Variants in STS observed in about 807,000 individuals in gnomAD.
The protein encoded by STS is steroid sulfatase, also known as steryl-sulfatase.
A neutral mutation model predicts 26.8 loss-of-function variants in STS; 7 were observed. The ratio of observed to expected loss-of-function variants is 0.26; its 90% CI spans 0.15 to 0.49. The LOEUF (loss-of-function observed/expected upper bound fraction) is 0.49. Ranked by LOEUF, STS falls within the 20% of genes least tolerant of loss-of-function variation. The pLI, the probability that STS is intolerant of heterozygous loss-of-function variation, is 0.98. For missense variants in STS, 434 were observed against 465.6 expected, an observed-to-expected ratio of 0.93 and a Z score of 0.63; for synonymous variants, 199 against 189.4, an observed-to-expected ratio of 1.05 and a Z score of -0.42.
rs967251931 is a variant in STS at position 7,351,696 on chromosome X, C to G, written c.*1435C>G. 1 of 111,248 alleles carries G rather than the reference C, an allele frequency of 9.0e-6. No homozygotes were observed. The highest frequency in any genetic ancestry group is 3.3e-5 in the African/African-American group (1 of 30,533). 9.2% of individuals were successfully genotyped at this position (111,248 alleles called of 1,213,427 possible). A position where few individuals can be genotyped will look rare whatever the true frequency, so the allele number is the denominator to read the frequency against. ...ACCTTCTATTTGCCCAGAGTTTGCT[C>G]AATTCCAAGACAGTGCCCATGAATG... On this transcript the variant is annotated 3_prime_UTR_variant, in exon 11 of 11. Transcript: ENST00000674429.
rs1424075499 is a variant in STS at position 7,345,242 on chromosome X, G to A, written c.1364-4646G>A. 1.6e-4 allele frequency among the ~76,000 whole-genome samples: 18 copies of A among 111,693 alleles called. No homozygotes were observed. In the Admixed American group the frequency reaches 1.7e-3, roughly 11 times the overall value. ...TTTTTATTTCTGTAACCGGTTACAG[G>A]GAGAAGGCCTGGAAAATATTGCCCA... On this transcript the variant is annotated intron_variant, in intron 10 of 10. Coordinates refer to ENST00000674429, the MANE Select transcript of STS (RefSeq NM_001320752.2).
chrX:7,306,183 G>A (rs780366325), intron 8 of STS, among the ~76,000 whole-genome samples: 4 of 110,961 alleles, frequency 3.6e-5, no homozygotes, highest in South Asian at 7.7e-4. Flanking sequence ...CATATCTTAT[G>A]TACTTATACA....
At chrX:7,173,058 C>CATT (rs1329090488) in intron 1 of STS, among the ~76,000 whole-genome samples, 1 of 111,110 alleles carries the variant, frequency 9.0e-6, no homozygotes, top group East Asian at 2.8e-4. Flanking sequence ...GCCTGGCATG[C>CATT]ATTAGGTCAT....
intron 1 of STS, among the ~76,000 whole-genome samples, chrX:7,162,784 C>T (rs1184131542): frequency 2.8e-5 from 3 of 105,949 alleles, no homozygotes; most frequent in South Asian, 4.3e-4. Context: ...CAGTGGCTCA[C>T]GCCTGTAATC....
chrX:7,181,212 A>G (rs912710127), intron 1 of STS, among the ~76,000 whole-genome samples: 2 of 112,645 alleles, frequency 1.8e-5, no homozygotes, highest in African/African-American at 3.2e-5. Flanking sequence ...TCTCAGTGTT[A>G]CACAATATAC....
chrX:7,261,838 A>T (rs1460714125), intron 6 of STS, among the ~76,000 whole-genome samples: 1 of 112,424 alleles, frequency 8.9e-6, no homozygotes, highest in African/African-American at 3.2e-5. Flanking sequence ...CAGACTACGA[A>T]GTGACTTACA....
chrX:7,286,016 A>G (rs1246535411), intron 7 of STS, among the ~76,000 whole-genome samples: 2 of 112,200 alleles, frequency 1.8e-5, no homozygotes, highest in Non-Finnish European at 3.8e-5. Context: ...CATCTATGAC[A>G]CAATGATTAA....
intron 6 of STS, among the ~76,000 whole-genome samples, chrX:7,269,500 T>C (rs1376074609): frequency 9.2e-6 from 1 of 109,140 alleles, no homozygotes; most frequent in African/African-American, 3.3e-5. Flanking sequence ...TGAGATAAGT[T>C]CTCCTCTGAA....
At chrX:7,280,945 C>T (rs1269504282) in intron 7 of STS, among the ~76,000 whole-genome samples, 1 of 112,513 alleles carries the variant, frequency 8.9e-6, no homozygotes, top group African/African-American at 3.2e-5. Context: ...CCAGGTGGAT[C>T]ACCTAAGGTT....
rs1421664889 is a variant in STS at position 7,275,689 on chromosome X, G to A, written c.807-262G>A. 9.0e-6 allele frequency among the ~76,000 whole-genome samples: 1 copy of A among 110,870 alleles called. No homozygotes were observed. The highest frequency in any genetic ancestry group is 1.9e-5 in the Non-Finnish European group (1 of 52,994). On this transcript the variant is annotated intron_variant, in intron 6 of 10. Coordinates refer to ENST00000674429, the MANE Select transcript of STS (RefSeq NM_001320752.2). ...TTTCTATTAAATCTCTTCCTGAGTT[G>A]GGTCTTTGGGGGATGTCTCAATAAC...
Position 7,259,518 on chromosome X carries a change from C to G in STS, c.552C>G (p.Pro184=), listed in dbSNP as rs376588996. 3.6e-5 allele frequency: 44 copies of G among 1,210,053 alleles called. No homozygotes were observed. Among genetic ancestry groups the G allele is most frequent in the Middle Eastern group, 2.3e-4 (1 of 4,376 alleles). The change falls in exon 6 of 11, where the codon CCC becomes CCG. Residue 184 remains proline (P), a synonymous_variant. Transcript: ENST00000674429. ...TTGFKRLVFL[P]LQIVGVTLLT... ...GCTTCAAGAGGCTGGTCTTCCTCCC[C>G]CTGCAGATCGTCGGGGTCACCCTCC...
At chrX:7,322,129 T>G (rs1273687783) in intron 8 of STS, among the ~76,000 whole-genome samples, 3 of 112,697 alleles carry the variant, frequency 2.7e-5, no homozygotes, top group Non-Finnish European at 5.6e-5. Flanking sequence ...GCTGGATGGT[T>G]GATGCTTTTA....
intron 1 of STS, among the ~76,000 whole-genome samples, chrX:7,166,094 A>G (rs1429929240): frequency 9.5e-6 from 1 of 105,322 alleles, no homozygotes; most frequent in Non-Finnish European, 1.9e-5. Flanking sequence ...TGCACCCTCA[A>G]CCTCCCAGGC....
chrX:7,319,978 G>GTATATTTATATATATATTTTATATATATT (rs1926899196), intron 8 of STS, among the ~76,000 whole-genome samples: 1 of 81,908 alleles, frequency 1.2e-5, no homozygotes, highest in Non-Finnish European at 2.2e-5. Context: ...TTATATATAT[G>GTATATTTATATATATATTTTATATATATT]TATATATATT....
intron 5 of STS, 68 bp from the exon 6 acceptor site, chrX:7,259,281 G>T (rs1440649634): frequency 9.5e-7 from 1 of 1,053,153 alleles, no homozygotes; most frequent in East Asian, 3.0e-5. Flanking sequence ...CAGCATGTAG[G>T]AACAGAAGCT....
intron 1 of STS, among the ~76,000 whole-genome samples, chrX:7,176,476 G>A (rs1448176084): frequency 1.8e-5 from 2 of 111,877 alleles, no homozygotes; most frequent in Non-Finnish European, 3.8e-5. Flanking sequence ...CACCCCATCA[G>A]CATGTCTTTG....
intron 2 of STS, among the ~76,000 whole-genome samples, chrX:7,214,336 C>T (rs1372645470): frequency 9.0e-6 from 1 of 111,448 alleles, no homozygotes; most frequent in Non-Finnish European, 1.9e-5. Flanking sequence ...TAAAACCATT[C>T]CTCCAAAGCC....
At chrX:7,184,464 C>T (rs1933738110) in intron 1 of STS, among the ~76,000 whole-genome samples, 1 of 112,259 alleles carries the variant, frequency 8.9e-6, no homozygotes, top group South Asian at 3.7e-4. Flanking sequence ...TCCTGCAAGA[C>T]AGGGGCTTCT....
rs1428050348 is a variant in STS at position 7,353,102 on chromosome X, C to T, written c.*2841C>T. 1 of 111,857 alleles carries T rather than the reference C, an allele frequency of 8.9e-6. No individual in the cohort carries two copies. The highest frequency in any genetic ancestry group is 1.9e-5 in the Non-Finnish European group (1 of 53,288). The allele number at this position is 111,857 out of a possible 1,213,427, so 9.2% of individuals were successfully genotyped here. A position where few individuals can be genotyped will look rare whatever the true frequency, so the allele number is the denominator to read the frequency against. On this transcript the variant is annotated 3_prime_UTR_variant, in exon 11 of 11. Transcript: ENST00000674429. The stretch of plus-strand genomic sequence containing the variant: ...TAATACCCTGCTTTCTATCGTGACT[C>T]AATTCAACAATGTGGGGAATGTTTA...
Sources: gnomAD v4.1 joint callset for allele counts (sites outside exome capture counted in the v4.1 genomes callset) on GRCh38, gnomAD v4.1.1 for gene constraint, MANE v1.5 for transcripts, NCBI Gene and HGNC (gene_info 2026-07-23, HGNC 2026-07-21) for gene names.